ITSN1: variants seen among roughly 807,000 people sequenced by gnomAD.
ITSN1 encodes the protein intersectin 1.
Under a neutral mutation model 239.8 loss-of-function variants are expected in ITSN1, and 58 were observed. The observed-to-expected ratio is 0.24, with a 90% CI of 0.20 to 0.30. The LOEUF (loss-of-function observed/expected upper bound fraction) is 0.30. Among genes scored for constraint, ITSN1 ranks in the 10% least tolerant of loss-of-function variants. ITSN1 has a pLI of 1.00. For missense variants in ITSN1, 1,558 were observed against 2,103.3 expected (o/e 0.74, Z 5.07); for synonymous variants, 780 against 770.8 (o/e 1.01, Z -0.20).
At chr21:33,673,650 C>G (rs1450959069) in intron 1 of ITSN1, among the ~76,000 whole-genome samples, 12 of 151,328 alleles carry the variant, frequency 7.9e-5, no homozygotes, top group Non-Finnish European at 1.5e-5. Flanking sequence ...GAACCTACCC[C>G]TCAGTGGGGG....
At chr21:33,713,670 A>G (rs896057665) in intron 1 of ITSN1, among the ~76,000 whole-genome samples, 1 of 152,164 alleles carries the variant, frequency 6.6e-6, no homozygotes, top group African/African-American at 2.4e-5. Flanking sequence ...TCCAGGTAGC[A>G]TAGAACACAA....
At chr21:33,864,071 G>T (rs901400795) in intron 31 of ITSN1, among the ~76,000 whole-genome samples, 1 of 152,206 alleles carries the variant, frequency 6.6e-6, no homozygotes, top group African/African-American at 2.4e-5. Context: ...AGAAAGAAAA[G>T]AAAGTGATCT....
chr21:33,750,390 AT>A, intron 6 of ITSN1, 68 bp downstream of exon 6: 5 of 1,384,836 alleles, frequency 3.6e-6, no homozygotes, highest in Non-Finnish European at 5.1e-6. Context: ...TTATTAAAAT[AT>A]TTTCTCTTCA....
intron 1 of ITSN1, chr21:33,643,482 C>T (rs929640877): frequency 2.0e-5 from 3 of 152,064 alleles, no homozygotes; most frequent in African/African-American, 7.2e-5. Flanking sequence ...CCGCACCTTC[C>T]TGCGCTTCTG....
intron 29 of ITSN1, among the ~76,000 whole-genome samples, chr21:33,856,483 T>C (rs1979365371): frequency 6.6e-6 from 1 of 152,160 alleles, no homozygotes; most frequent in Non-Finnish European, 1.5e-5. Context: ...TCATATAGGG[T>C]CAGGACCCAA....
At chr21:33,856,986 G>T in intron 30 of ITSN1, 129 bp downstream of exon 30, 1 of 838,446 alleles carries the variant, frequency 1.2e-6, no homozygotes, top group Non-Finnish European at 1.9e-6. Context: ...GGAGCATCTG[G>T]ATGGCAAATG....
At chr21:33,779,900 C>T (rs1238980068) in intron 14 of ITSN1, among the ~76,000 whole-genome samples, 1 of 151,988 alleles carries the variant, frequency 6.6e-6, no homozygotes, top group East Asian at 1.9e-4. Flanking sequence ...GGTGCGATCT[C>T]GGCTCACTGC....
Position 33,858,616 on chromosome 21 carries a change from G to A in ITSN1, c.3784-70G>A, listed in dbSNP as rs534457487. On this transcript the variant is annotated intron_variant, in intron 30 of 39. Transcript: ENST00000381318. The stretch of plus-strand genomic sequence containing the variant: ...CCTGAGCCCTTTCCCTGCTCTCAGC[G>A]GATCGGCGTGTGAGTGTGTGAGTTT... The A allele has an allele frequency of 8.2e-4, 775 of 949,242 alleles. 10 individuals are homozygous for A. The South Asian group carries it at 1.0e-2, about 12-fold the overall frequency. The allele number at this position is 949,242 out of a possible 1,614,324, so 58.8% of individuals were successfully genotyped here.
intron 22 of ITSN1, chr21:33,814,353 T>G (rs2073122571): frequency 8.2e-6 from 3 of 363,988 alleles, no homozygotes; most frequent in Admixed American, 7.9e-5. Flanking sequence ...GGGTAAGATC[T>G]TACTAGAAAA....
chr21:33,743,204 G>A (rs979668519), intron 5 of ITSN1, among the ~76,000 whole-genome samples: 2 of 152,202 alleles, frequency 1.3e-5, no homozygotes, highest in Admixed American at 6.5e-5. Context: ...AGTGGCTCAC[G>A]CCTGTAATCC....
chr21:33,711,645 CTG>C (rs2092417466), intron 1 of ITSN1, among the ~76,000 whole-genome samples: 1 of 107,948 alleles, frequency 9.3e-6, no homozygotes, highest in East Asian at 3.1e-4. Flanking sequence ...ATGTCTTTTT[CTG>C]TGTGTTGTGT....
At position 33,826,851 on chromosome 21, in the gene ITSN1, G is replaced by A. The variant is rs759236714; in HGVS notation, c.3217G>A (p.Gly1073Arg). The change falls in exon 26 of 40, where the codon GGA becomes AGA. Residue 1073 changes from glycine (G) to arginine (R), a missense_variant. Around this residue, in one of 2 missense-constraint regions of ITSN1, gnomAD observed 576 missense variants for 893.3 expected, o/e 0.64. Transcript: ENST00000381318. ...AACTGCTGGGAAAACAGGGAGTTTAGGAAAAAAACCTGGTAAGTTACAAAC... is the reference window on the plus strand; with the variant it reads ...AACTGCTGGGAAAACAGGGAGTTTAAGAAAAAAACCTGGTAAGTTACAAAC... ...SGTAGKTGSL[G>R]KKPEIAQVIA... The A allele has an allele frequency of 6.2e-7, 1 of 1,613,676 alleles. No homozygotes were observed. Among genetic ancestry groups the A allele is most frequent in the Non-Finnish European group, 8.5e-7 (1 of 1,179,692 alleles).
chr21:33,658,638 G>A (rs1376082133), intron 1 of ITSN1, among the ~76,000 whole-genome samples: 1 of 152,174 alleles, frequency 6.6e-6, no homozygotes, highest in African/African-American at 2.4e-5. Flanking sequence ...TGTACCTACT[G>A]GATCCATTGG....
At chr21:33,670,793 A>G (rs1335910435) in intron 1 of ITSN1, among the ~76,000 whole-genome samples, 1 of 152,242 alleles carries the variant, frequency 6.6e-6, no homozygotes, top group Non-Finnish European at 1.5e-5. Context: ...TCACATGCTC[A>G]CTAGGTCAGG....
At chr21:33,772,425 C>A in intron 12 of ITSN1, 102 bp downstream of exon 12, 1 of 1,399,936 alleles carries the variant, frequency 7.1e-7, no homozygotes, top group Non-Finnish European at 9.6e-7. Context: ...TTTTACAATT[C>A]AGTAGTTTTA....
At chr21:33,874,632 G>T (rs1983371405) in intron 33 of ITSN1, among the ~76,000 whole-genome samples, 1 of 150,368 alleles carries the variant, frequency 6.7e-6, no homozygotes, top group South Asian at 2.1e-4. Context: ...TGTGAAACAG[G>T]GTGAATATTT....
intron 14 of ITSN1, among the ~76,000 whole-genome samples, chr21:33,775,476 G>A (rs1288210890): frequency 6.6e-6 from 1 of 152,232 alleles, no homozygotes; most frequent in African/African-American, 2.4e-5. Flanking sequence ...GAAGGGAATA[G>A]AGAGTCCTAG....
chr21:33,839,943 T>G (rs897191253), intron 29 of ITSN1, among the ~76,000 whole-genome samples: 1 of 152,190 alleles, frequency 6.6e-6, no homozygotes, highest in African/African-American at 2.4e-5. Flanking sequence ...AAGAATGATC[T>G]GGCCCCAGAT....
At chr21:33,768,162 C>T (rs1232245520) in intron 11 of ITSN1, among the ~76,000 whole-genome samples, 1 of 152,124 alleles carries the variant, frequency 6.6e-6, no homozygotes, top group African/African-American at 2.4e-5. Context: ...TGCTTAATAC[C>T]ACCAGTGCAG....
Sources: gnomAD v4.1 joint callset for allele counts (sites outside exome capture counted in the v4.1 genomes callset) on GRCh38, gnomAD v4.1.1 for gene constraint, gnomAD v4.1.1 regional missense constraint, MANE v1.5 for transcripts, NCBI Gene and HGNC (gene_info 2026-07-23, HGNC 2026-07-21) for gene names.